EXOC4: variants seen among roughly 807,000 people sequenced by gnomAD.
EXOC4 encodes the protein exocyst complex component 4, also known as SEC8-like 1.
In EXOC4, 71 loss-of-function variants were observed where a neutral mutation model predicts 107.2. The ratio of observed to expected loss-of-function variants is 0.66; its 90% CI spans 0.55 to 0.81. The LOEUF (loss-of-function observed/expected upper bound fraction) is 0.81. EXOC4 is among the 30% of genes least tolerant of loss of function. The pLI is 0.00. For missense variants in EXOC4, 1,108 were observed against 1,189.6 expected (o/e 0.93, Z 1.01); for synonymous variants, 456 against 441.2 (o/e 1.03, Z -0.42).
chr7:133,923,620 G>T (rs1298520013), intron 13 of EXOC4, among the ~76,000 whole-genome samples: 1 of 152,138 alleles, frequency 6.6e-6, no homozygotes, highest in Non-Finnish European at 1.5e-5. Context: ...TGTCTGTAGC[G>T]ATTTTTAAGA....
downstream of EXOC4, among the ~76,000 whole-genome samples, chr7:134,068,918 C>T (rs1408450925): frequency 6.6e-6 from 1 of 152,178 alleles, no homozygotes; most frequent in Admixed American, 6.5e-5. Flanking sequence ...CCTGTTACAG[C>T]TCAGGTTGAT....
At position 133,436,500 on chromosome 7, in the gene EXOC4, TA is replaced by T. The variant is rs565649959; in HGVS notation, c.1183-38814del. On this transcript the variant is annotated intron_variant, in intron 7 of 17. Coordinates refer to ENST00000253861, the MANE Select transcript of EXOC4 (RefSeq NM_021807.4). ...TTCCTGAGTGAAGGCAGTGTGGTGT[TA>T]AAAAAAAAAAAAACCCTAATATTAT... Among the ~76,000 whole-genome samples the T allele has an allele frequency of 5.7e-3, 806 of 141,048 alleles. 2 individuals are homozygous for T. The highest frequency in any genetic ancestry group is 0.015 in the East Asian group (76 of 4,930). The allele number at this position is 141,048 out of a possible 152,430, so 92.5% of individuals were successfully genotyped here.
intron 5 of EXOC4, among the ~76,000 whole-genome samples, chr7:133,339,381 A>G (rs1024053039): frequency 3.9e-5 from 6 of 152,146 alleles, no homozygotes; most frequent in African/African-American, 1.2e-4. Flanking sequence ...CTGTTTTTAT[A>G]TCAGTACCAT....
chr7:133,843,187 T>G (rs148942708), intron 11 of EXOC4, among the ~76,000 whole-genome samples: 1 of 152,248 alleles, frequency 6.6e-6, no homozygotes, highest in Non-Finnish European at 1.5e-5. Context: ...AAATAGTTTT[T>G]TTTTCTAATT....
intron 2 of EXOC4, among the ~76,000 whole-genome samples, chr7:133,283,206 G>A (rs771100319): frequency 1.3e-5 from 2 of 152,128 alleles, no homozygotes; most frequent in Non-Finnish European, 2.9e-5. Flanking sequence ...GAGCTCAGGC[G>A]ATCCTCCCAC....
chr7:133,947,067 C>T (rs1012087983), intron 14 of EXOC4, among the ~76,000 whole-genome samples: 3 of 152,192 alleles, frequency 2.0e-5, no homozygotes, highest in Non-Finnish European at 4.4e-5. Context: ...TAGGGTATAA[C>T]CAGGGGGAAA....
chr7:133,384,744 A>AG (rs1209251783), intron 7 of EXOC4, among the ~76,000 whole-genome samples: 20 of 150,366 alleles, frequency 1.3e-4, no homozygotes, highest in African/African-American at 4.4e-4. Context: ...TTAAAAAAAA[A>AG]AAACGTTTTC....
chr7:133,641,479 C>T (rs1018059573), intron 10 of EXOC4, among the ~76,000 whole-genome samples: 2 of 152,148 alleles, frequency 1.3e-5, no homozygotes, highest in Non-Finnish European at 2.9e-5. Flanking sequence ...TACAAACACA[C>T]ACACTCATTG....
chr7:133,719,995 T>C (rs1795074233), intron 10 of EXOC4, among the ~76,000 whole-genome samples: 1 of 152,170 alleles, frequency 6.6e-6, no homozygotes, highest in African/African-American at 2.4e-5. Flanking sequence ...TGTGATTGAT[T>C]ATATATGATT....
intron 11 of EXOC4, among the ~76,000 whole-genome samples, chr7:133,823,850 T>A (rs1563014577): frequency 9.7e-5 from 1 of 10,284 alleles, no homozygotes; most frequent in African/African-American, 1.5e-3. Context: ...ATATTATATA[T>A]ATATATATAT....
chr7:133,265,866 G>A (rs1264288277), intron 1 of EXOC4, among the ~76,000 whole-genome samples: 1 of 152,138 alleles, frequency 6.6e-6, no homozygotes, highest in Non-Finnish European at 1.5e-5. Context: ...CAGTTAATTA[G>A]TTTAGTTATC....
intron 7 of EXOC4, among the ~76,000 whole-genome samples, chr7:133,392,778 A>T (rs535128605): frequency 6.6e-6 from 1 of 152,194 alleles, no homozygotes; most frequent in Non-Finnish European, 1.5e-5. Flanking sequence ...AAGTAAACTA[A>T]AAATGCAAAT....
At chr7:133,813,230 C>T (rs1443403562) in intron 10 of EXOC4, among the ~76,000 whole-genome samples, 1 of 152,012 alleles carries the variant, frequency 6.6e-6, no homozygotes, top group Non-Finnish European at 1.5e-5. Flanking sequence ...TTTAGGTACA[C>T]GAAAGGCAAA....
At chr7:133,466,331 A>G (rs1798727560) in intron 7 of EXOC4, among the ~76,000 whole-genome samples, 1 of 152,144 alleles carries the variant, frequency 6.6e-6, no homozygotes, top group African/African-American at 2.4e-5. Context: ...GAGAAGTCTA[A>G]AGAATACCAA....
At chr7:133,983,142 G>A (rs1794034467) in intron 14 of EXOC4, among the ~76,000 whole-genome samples, 1 of 151,914 alleles carries the variant, frequency 6.6e-6, no homozygotes, top group Non-Finnish European at 1.5e-5. Context: ...CAAGAGGCTG[G>A]ATATTCACAC....
intron 9 of EXOC4, among the ~76,000 whole-genome samples, chr7:133,564,381 C>T (rs542856629): frequency 7.9e-5 from 12 of 152,198 alleles, no homozygotes; most frequent in East Asian, 3.9e-4. Context: ...AGGAGAAATC[C>T]ACCCCTACGA....
intron 9 of EXOC4, among the ~76,000 whole-genome samples, chr7:133,550,467 G>GT (rs1800563867): frequency 6.6e-6 from 1 of 152,126 alleles, no homozygotes; most frequent in South Asian, 2.1e-4. Flanking sequence ...CTTGAAAAAT[G>GT]TAACTCTAAG....
chr7:133,317,291 G>T lies in EXOC4; in HGVS notation c.664G>T (p.Val222Leu). 1 of 1,612,198 alleles carries T rather than the reference G, an allele frequency of 6.2e-7. No homozygotes were observed. Among genetic ancestry groups the T allele is most frequent in the Non-Finnish European group, 8.5e-7 (1 of 1,178,450 alleles). Reference sequence around the variant, plus strand: ...GCTTCTTTTCCCGTTCAGCTCCCTCGTGAAAGATGCTTCTGTTCCTCTGAT... The same window carrying T: ...GCTTCTTTTCCCGTTCAGCTCCCTCTTGAAAGATGCTTCTGTTCCTCTGAT... ...NKEKGKISSL[V>L]KDASVPLIDV... The change falls in exon 5 of 18, where the codon GTG (valine) becomes TTG (leucine). Residue 222 changes from valine (V) to leucine (L), a missense_variant. Val to Leu is a conservative substitution (Grantham distance 32). Transcript: ENST00000253861.
intron 12 of EXOC4, among the ~76,000 whole-genome samples, chr7:133,901,404 T>G (rs890742953): frequency 6.6e-6 from 1 of 152,176 alleles, no homozygotes; most frequent in African/African-American, 2.4e-5. Flanking sequence ...TGTATATTAC[T>G]TAGTGCCTCA....
Sources: gnomAD v4.1 joint callset for allele counts (sites outside exome capture counted in the v4.1 genomes callset) on GRCh38, gnomAD v4.1.1 for gene constraint, MANE v1.5 for transcripts, NCBI Gene and HGNC (gene_info 2026-07-23, HGNC 2026-07-21) for gene names.